SFXN4: variants seen among roughly 807,000 people sequenced by gnomAD.
SFXN4 encodes sideroflexin 4, also known as sideroflexin-4.
Under a neutral mutation model 54.6 loss-of-function variants are expected in SFXN4, and 48 were observed. The observed-to-expected ratio is 0.88, with a 90% CI of 0.70 to 1.12. The LOEUF is 1.12. Among genes scored for constraint, SFXN4 ranks in the 50% most tolerant of loss-of-function variants. SFXN4 has a pLI of 0.00. For synonymous variants in SFXN4, 130 were observed against 145.5 expected (o/e 0.89, Z 0.77); for missense variants, 383 against 409.2 (o/e 0.94, Z 0.55).
chr10:119,159,614 TCAGG>T, intron 6 of SFXN4, 110 bp downstream of exon 6: 1 of 1,092,900 alleles, frequency 9.1e-7, no homozygotes, highest in Non-Finnish European at 1.4e-6. Context: ...CAACCATCTA[TCAGG>T]CAGTCATGTG....
chr10:119,160,931 C>T lies in SFXN4; in HGVS notation c.318G>A (p.Lys106=). The change falls in exon 5 of 14, where the codon AAG becomes AAA. Residue 106 remains lysine (K), a synonymous_variant. Transcript: ENST00000355697. ...CCAACTCACCTGCAGGTCGAAAAAGCTTGGGGATCAGGTTGCTGCTGTCGG... is the reference window on the plus strand; with the variant it reads ...CCAACTCACCTGCAGGTCGAAAAAGTTTGGGGATCAGGTTGCTGCTGTCGG... ...VHPDSSNLIP[K]LFRPAAFLPF... is the part of the protein sequence containing the mutation. The T allele has an allele frequency of 2.5e-6, 4 of 1,614,062 alleles. No individual in the cohort carries two copies. The highest frequency in any genetic ancestry group is 3.4e-6 in the Non-Finnish European group (4 of 1,180,008).
At chr10:119,148,030 G>A (rs888592600) in intron 11 of SFXN4, among the ~76,000 whole-genome samples, 170 bp from the exon 12 acceptor site, 2 of 152,006 alleles carry the variant, frequency 1.3e-5, no homozygotes, top group Admixed American at 6.6e-5. Flanking sequence ...AAATTAGCCC[G>A]GTGTGGTGTT....
intron 11 of SFXN4, among the ~76,000 whole-genome samples, chr10:119,151,677 G>A (rs933479568): frequency 3.3e-5 from 5 of 151,518 alleles, no homozygotes; most frequent in African/African-American, 7.3e-5. Flanking sequence ...CACCATGCCC[G>A]GCTAATTTTG....
intron 13 of SFXN4, among the ~76,000 whole-genome samples, chr10:119,144,388 T>C (rs935142081): frequency 1.3e-5 from 2 of 151,374 alleles, no homozygotes; most frequent in African/African-American, 4.9e-5. Context: ...ACCCGAGAGG[T>C]GGAGCTTGCA....
At chr10:119,154,435 C>G (rs1847197626) in intron 11 of SFXN4, among the ~76,000 whole-genome samples, 1 of 152,146 alleles carries the variant, frequency 6.6e-6, no homozygotes, top group Admixed American at 6.6e-5. Flanking sequence ...ACCTGTAATC[C>G]CAGCACTTTG....
chr10:119,141,064 C>T lies in SFXN4; in HGVS notation c.*178G>A. 2 of 514,660 alleles carry T rather than the reference C, an allele frequency of 3.9e-6. No homozygotes were observed. Among genetic ancestry groups the T allele is most frequent in the Admixed American group, 3.8e-5 (1 of 26,548 alleles). The allele number at this position is 514,660 out of a possible 1,614,324, so 31.9% of individuals were successfully genotyped here. ...CCCTCCCACTGTCTTCTCCAGCCAG[C>T]CTTAAAAACCCCAGAGACGCCAGCC... On this transcript the variant is annotated 3_prime_UTR_variant, in exon 14 of 14. Transcript: ENST00000355697.
chr10:119,150,357 C>G (rs1847012736), intron 11 of SFXN4, among the ~76,000 whole-genome samples: 1 of 151,976 alleles, frequency 6.6e-6, no homozygotes, highest in South Asian at 2.1e-4. Flanking sequence ...GCCTGGCAGG[C>G]AGGAGGTGCT....
intron 11 of SFXN4, among the ~76,000 whole-genome samples, chr10:119,148,113 A>T (rs566778150): frequency 6.6e-6 from 1 of 152,272 alleles, no homozygotes; most frequent in South Asian, 2.1e-4. Context: ...CGGATTTTGC[A>T]GTGAGCCAAG....
intron 12 of SFXN4, among the ~76,000 whole-genome samples, chr10:119,147,106 C>T (rs1308691380): frequency 2.6e-5 from 4 of 152,102 alleles, no homozygotes; most frequent in South Asian, 2.1e-4. Flanking sequence ...AAGTGGGTCC[C>T]GCATCAATAT....
chr10:119,164,279 T>TTC (rs1432325791), intron 1 of SFXN4, 83 bp from the exon 2 acceptor site: 1 of 877,000 alleles, frequency 1.1e-6, no homozygotes, highest in Non-Finnish European at 1.8e-6. Flanking sequence ...TTTTTTTTTT[T>TTC]TTTTCTGAGA....
chr10:119,146,455 G>A lies in SFXN4; in HGVS notation c.819-102C>T, dbSNP rs1423056586. ...TGTGTGTGTGTGTGTGTGTGTGTGT[G>A]TGTGTGCACGTGTGTGTGTACCTGA... On this transcript the variant is annotated intron_variant, in intron 12 of 13. Transcript: ENST00000355697. The A allele has an allele frequency of 6.1e-5, 33 of 538,940 alleles. No homozygotes were observed. The South Asian group carries it at 8.6e-4, about 14-fold the overall frequency. 33.4% of individuals were successfully genotyped at this position (538,940 alleles called of 1,614,324 possible). A position where few individuals can be genotyped will look rare whatever the true frequency, so the allele number is the denominator to read the frequency against.
chr10:119,164,673 G>A (rs1847696545), intron 1 of SFXN4, among the ~76,000 whole-genome samples: 1 of 152,084 alleles, frequency 6.6e-6, no homozygotes, highest in Non-Finnish European at 1.5e-5. Flanking sequence ...GGAAAAAGAG[G>A]TTTGCTCCAG....
rs1481863984 is a variant in SFXN4 at position 119,141,189 on chromosome 10, G to A, written c.*53C>T. The A allele has an allele frequency of 2.2e-6, 3 of 1,373,228 alleles. No homozygotes were observed. In the African/African-American group the frequency reaches 4.3e-5, roughly 20 times the overall value. The allele number at this position is 1,373,228 out of a possible 1,614,324, so 85.1% of individuals were successfully genotyped here. A position where few individuals can be genotyped will look rare whatever the true frequency, so the allele number is the denominator to read the frequency against. On this transcript the variant is annotated 3_prime_UTR_variant, in exon 14 of 14. Coordinates refer to ENST00000355697, the MANE Select transcript of SFXN4 (RefSeq NM_213649.2). ...GGCAAAGTTCTCTAAACCGAACCTG[G>A]AGAGGGGAAGGTTTTCAAGCAGGAA...
At chr10:119,153,898 C>G (rs1847172193) in intron 11 of SFXN4, among the ~76,000 whole-genome samples, 1 of 152,154 alleles carries the variant, frequency 6.6e-6, no homozygotes, top group Non-Finnish European at 1.5e-5. Context: ...CAGGTTACCA[C>G]CAGGCGCGGT....
chr10:119,143,691 G>A (rs1846656925), intron 13 of SFXN4, among the ~76,000 whole-genome samples: 1 of 151,706 alleles, frequency 6.6e-6, no homozygotes, highest in South Asian at 2.1e-4. Flanking sequence ...TGTCCTGGCT[G>A]GTCTTGAACG....
chr10:119,144,716 A>C (rs1269955488), intron 13 of SFXN4, among the ~76,000 whole-genome samples: 2 of 152,180 alleles, frequency 1.3e-5, no homozygotes, highest in Non-Finnish European at 2.9e-5. Flanking sequence ...ACTCATCATA[A>C]ATTATATTAT....
intron 11 of SFXN4, 57 bp downstream of exon 11, chr10:119,155,005 G>A: frequency 8.2e-7 from 1 of 1,212,248 alleles, no homozygotes; most frequent in Non-Finnish European, 1.2e-6. Flanking sequence ...CTTTCAAACA[G>A]AAAAGTCTAG....
chr10:119,145,462 C>T (rs956580342), intron 13 of SFXN4, among the ~76,000 whole-genome samples: 2 of 151,716 alleles, frequency 1.3e-5, no homozygotes, highest in Non-Finnish European at 2.9e-5. Context: ...TTACAGCTAC[C>T]GTGGCTAATT....
rs1336576286 is a variant in SFXN4 at position 119,165,661 on chromosome 10, G to A, written c.-14C>T. ...TTCCAGGGACATTTTGCGCTGGTTA[G>A]AGTGGCCGCCGCCGCCAGGCCGCGC... On this transcript the variant is annotated 5_prime_UTR_variant, in exon 1 of 14. Transcript: ENST00000355697. 2 of 1,551,420 alleles carry A rather than the reference G, an allele frequency of 1.3e-6. No individual in the cohort carries two copies. Among genetic ancestry groups the A allele is most frequent in the Non-Finnish European group, 1.7e-6 (2 of 1,154,646 alleles).
Sources: allele counts gnomAD v4.1 joint callset (sites outside exome capture counted in the v4.1 genomes callset), GRCh38; gene constraint gnomAD v4.1.1; transcripts MANE v1.5; gene names NCBI Gene and HGNC (gene_info 2026-07-23, HGNC 2026-07-21).